The following ETV1 variants were observed in gnomAD, a reference collection of about 807,000 sequenced individuals.
The protein encoded by ETV1 is ETS translocation variant 1.
A neutral mutation model predicts 62.3 loss-of-function variants in ETV1; 27 were observed. The observed-to-expected ratio is 0.43, with a 90% CI of 0.32 to 0.60. ETV1 has a LOEUF of 0.60. Among genes scored for constraint, ETV1 ranks in the 20% least tolerant of loss-of-function variants. The pLI, the probability that ETV1 is intolerant of heterozygous loss-of-function variation, is 0.06. For missense variants in ETV1, 605 were observed against 605.8 expected, an observed-to-expected ratio of 1.00 and a Z score of 0.01; for synonymous variants, 222 against 199.6, an observed-to-expected ratio of 1.11 and a Z score of -0.94.
intron 13 of ETV1, among the ~76,000 whole-genome samples, chr7:13,897,434 T>C (rs1375489333): frequency 6.6e-6 from 1 of 152,196 alleles, no homozygotes; most frequent in African/African-American, 2.4e-5. Context: ...TTGCCCTGAA[T>C]TTAAGTAAGA....
At chr7:13,990,377 T>C (rs1299170167), upstream of ETV1, 4 of 152,168 alleles carry the variant, frequency 2.6e-5, no homozygotes, top group African/African-American at 9.7e-5. Flanking sequence ...CAGAGCAAGC[T>C]AGGTGAAAAA....
intron 9 of ETV1, among the ~76,000 whole-genome samples, chr7:13,919,475 GTTTTT>G (rs11399164): frequency 3.9e-4 from 53 of 134,776 alleles, no homozygotes; most frequent in African/African-American, 1.4e-3. Context: ...TGTTCTTTTG[GTTTTT>G]TTTTTTTGAT....
At chr7:13,977,207 G>C (rs576314508) in intron 6 of ETV1, among the ~76,000 whole-genome samples, 148 of 152,220 alleles carry the variant, frequency 9.7e-4, no homozygotes, top group Non-Finnish European at 1.7e-3. Flanking sequence ...CTACTATTTG[G>C]AGTTCTCTTC....
intron 3 of ETV1, 26 bp downstream of exon 3, chr7:13,988,982 C>G (rs956104182): frequency 2.0e-6 from 3 of 1,515,866 alleles, no homozygotes; most frequent in Non-Finnish European, 2.7e-6. Context: ...AGTTTATAAA[C>G]AGCAACTTTC....
At position 13,908,505 on chromosome 7, in the gene ETV1, A is replaced by C. The variant is rs551839526; in HGVS notation, c.940+1127T>G. Among the ~76,000 whole-genome samples, 282 of 152,264 alleles carry C rather than the reference A, an allele frequency of 1.9e-3. 5 individuals carry two copies. Among genetic ancestry groups the C allele is most frequent in the Admixed American group, 0.018 (282 of 15,278 alleles). The stretch of plus-strand genomic sequence containing the variant: ...ATGCTGATGCTCTGCTAATGTTGCT[A>C]AATAGTACGGCTCACCCCTCTGAAA... On this transcript the variant is annotated intron_variant, in intron 11 of 13. Coordinates refer to ENST00000430479, the MANE Select transcript of ETV1 (RefSeq NM_004956.5).
At chr7:13,931,394 T>C (rs1446452171) in intron 9 of ETV1, 108 bp downstream of exon 9, 2 of 1,191,734 alleles carry the variant, frequency 1.7e-6, no homozygotes, top group African/African-American at 3.1e-5. Flanking sequence ...CTGAAAGATC[T>C]TATTAAAAAA....
chr7:13,929,389 T>C (rs1583667717), intron 9 of ETV1, among the ~76,000 whole-genome samples: 1 of 152,314 alleles, frequency 6.6e-6, no homozygotes, highest in South Asian at 2.1e-4. Flanking sequence ...AGGTGTCTTC[T>C]CATCTTTGCA....
At position 13,911,211 on chromosome 7, in the gene ETV1, C is replaced by G. The variant is rs949944794; in HGVS notation, c.871+28G>C. ...GTCTGATTATTCTGAACGGTATTTA[C>G]ACGGAATTTCAGTGGTGGACAACTT... On this transcript the variant is annotated intron_variant, in intron 10 of 13. Transcript: ENST00000430479. 4 of 1,529,862 alleles carry G rather than the reference C, an allele frequency of 2.6e-6. 1 individual carries two copies. The South Asian group carries it at 4.5e-5, about 17-fold the overall frequency. 94.8% of individuals were successfully genotyped at this position (1,529,862 alleles called of 1,614,324 possible).
chr7:13,977,346 T>C (rs1014867143), intron 6 of ETV1, 81 bp downstream of exon 6: 1 of 985,782 alleles, frequency 1.0e-6, no homozygotes, highest in Non-Finnish European at 1.5e-6. Context: ...ACACTGGACG[T>C]GAAAACCAAC....
At chr7:13,984,134 A>G (rs1782284581) in intron 5 of ETV1, among the ~76,000 whole-genome samples, 1 of 152,018 alleles carries the variant, frequency 6.6e-6, no homozygotes. Context: ...CTTATGTCTA[A>G]TAAGGTTTTT....
At chr7:13,987,302 G>A (rs3823708) in intron 4 of ETV1, among the ~76,000 whole-genome samples, 86,589 of 151,418 alleles carry the variant, frequency 0.57, 25,114 homozygotes, top group African/African-American at 0.63. Context: ...ATATGGTCAT[G>A]TTAGGGAGGG....
rs1786421213 is a variant in ETV1, at chr7:13,933,394, C to T, written c.555-1645G>A. Among the ~76,000 whole-genome samples the T allele has an allele frequency of 2.0e-5, 3 of 152,138 alleles. No homozygotes were observed. In the South Asian group the frequency reaches 6.2e-4, roughly 32 times the overall value. On this transcript the variant is annotated intron_variant, in intron 8 of 13. Transcript: ENST00000430479. ...CAAGAAGCTTCTGGAAAGGAGTTAA[C>T]AGATAAGGAGAACATGCTGATGAAC...
chr7:13,901,660 A>T (rs867723429), intron 12 of ETV1, among the ~76,000 whole-genome samples: 8 of 152,336 alleles, frequency 5.3e-5, no homozygotes, highest in Non-Finnish European at 1.0e-4. Flanking sequence ...ACAGTACACA[A>T]ATTAATAAAC....
At chr7:13,905,932 GT>G (rs1257775254) in intron 12 of ETV1, among the ~76,000 whole-genome samples, 1 of 152,110 alleles carries the variant, frequency 6.6e-6, no homozygotes, top group Non-Finnish European at 1.5e-5. Context: ...CGCCACAGCT[GT>G]TTTTCCCCAA....
chr7:13,914,556 A>C (rs1783936581), intron 9 of ETV1, among the ~76,000 whole-genome samples: 1 of 151,338 alleles, frequency 6.6e-6, no homozygotes, highest in Admixed American at 6.6e-5. Context: ...TAATTTGATT[A>C]GTTTTCACGT....
In ETV1 at chr7:13,895,967, C is replaced by T. The variant is rs1781732847; in HGVS notation, c.1333G>A (p.Glu445Lys). 1 of 1,613,670 alleles carries T rather than the reference C, an allele frequency of 6.2e-7. No homozygotes were observed. ...AAGTGAGAAAGAGGCACTGTGTCCTCCTCGTTGATGTGACGTTCCATGTCT... is the reference window on the plus strand; with the variant it reads ...AAGTGAGAAAGAGGCACTGTGTCCTTCTCGTTGATGTGACGTTCCATGTCT... ...KTDMERHINE[E>K]DTVPLSHFDE... The change falls in exon 14 of 14, where the codon GAG (glutamate) becomes AAG (lysine). Residue 445 changes from glutamate (E) to lysine (K), a missense_variant. Glu to Lys is a moderately conservative substitution (Grantham distance 56). Transcript: ENST00000430479.
At chr7:13,907,922 CATG>C (rs1351282773) in intron 11 of ETV1, 81 of 452,596 alleles carry the variant, frequency 1.8e-4, no homozygotes, top group Non-Finnish European at 1.3e-4. Context: ...TTGGTCTTAA[CATG>C]ATAATATAGA....
chr7:13,923,251 C>A (rs6947286), intron 9 of ETV1, among the ~76,000 whole-genome samples: 120 of 152,298 alleles, frequency 7.9e-4, no homozygotes, highest in African/African-American at 2.8e-3. Flanking sequence ...CACTTTCAAA[C>A]CATATTATAA....
intron 7 of ETV1, among the ~76,000 whole-genome samples, chr7:13,937,823 T>C (rs1786991267): frequency 6.6e-6 from 1 of 152,238 alleles, no homozygotes; most frequent in Non-Finnish European, 1.5e-5. Context: ...TCAATTGAGC[T>C]AGCTCATAAT....
Sources: gnomAD v4.1 joint callset for allele counts (sites outside exome capture counted in the v4.1 genomes callset) on GRCh38, gnomAD v4.1.1 for gene constraint, MANE v1.5 for transcripts, NCBI Gene and HGNC (gene_info 2026-07-23, HGNC 2026-07-21) for gene names.